The following DOCK11 variants were observed in gnomAD, a reference collection of about 807,000 sequenced individuals.
The protein encoded by DOCK11 is dedicator of cytokinesis 11.
In DOCK11, 70 loss-of-function variants were observed where a neutral mutation model predicts 169.1. The observed-to-expected ratio is 0.41, with a 90% CI of 0.34 to 0.51. The LOEUF (loss-of-function observed/expected upper bound fraction) is 0.51. Among genes scored for constraint, DOCK11 ranks in the 20% least tolerant of loss-of-function variants. The pLI is 0.10. For missense variants in DOCK11, 1,166 were observed against 1,538.8 expected (o/e 0.76, Z 4.05); for synonymous variants, 529 against 541.3 (o/e 0.98, Z 0.32).
intron 48 of DOCK11, among the ~76,000 whole-genome samples, chrX:118,680,172 C>T (rs1357278082): frequency 2.7e-5 from 3 of 109,597 alleles, no homozygotes; most frequent in Non-Finnish European, 3.8e-5. Flanking sequence ...AGTGATCCGC[C>T]CGCCTCGGCC....
intron 23 of DOCK11, among the ~76,000 whole-genome samples, chrX:118,603,266 G>A (rs1364096581): frequency 8.8e-6 from 1 of 113,030 alleles, no homozygotes; most frequent in Non-Finnish European, 1.9e-5. Context: ...CAAGTGACAG[G>A]TTTGGCGGGA....
chrX:118,647,759 A>C (rs189022026), intron 40 of DOCK11, among the ~76,000 whole-genome samples: 1 of 49,222 alleles, frequency 2.0e-5, no homozygotes, highest in Non-Finnish European at 3.2e-5. Flanking sequence ...AATAATATAT[A>C]ATATATTATA....
intron 32 of DOCK11, among the ~76,000 whole-genome samples, chrX:118,625,675 A>G (rs1333955565): frequency 8.9e-6 from 1 of 111,878 alleles, no homozygotes. Context: ...CTCTACTTCC[A>G]AGATATTAGG....
At chrX:118,516,493 G>T (rs1296728028) in intron 1 of DOCK11, among the ~76,000 whole-genome samples, 1 of 106,799 alleles carries the variant, frequency 9.4e-6, no homozygotes, top group Non-Finnish European at 1.9e-5. Context: ...CCAGGCTGGA[G>T]TGCAGCTGTG....
intron 30 of DOCK11, among the ~76,000 whole-genome samples, chrX:118,617,335 C>CA (rs1196770219): frequency 9.2e-5 from 10 of 109,011 alleles, no homozygotes; most frequent in Non-Finnish European, 1.3e-4. Flanking sequence ...ACTAAAAATA[C>CA]AAAAAAATTA....
chrX:118,647,139 ATGTGTGTG>A (rs200211345), intron 40 of DOCK11, among the ~76,000 whole-genome samples: 2,346 of 85,448 alleles, frequency 0.027, 57 homozygotes, highest in African/African-American at 0.054. Flanking sequence ...TGAAGAGGAT[ATGTGTGTG>A]TGTGTGTGTG....
chrX:118,508,825 C>T (rs1323425791), intron 1 of DOCK11, among the ~76,000 whole-genome samples: 1 of 112,186 alleles, frequency 8.9e-6, no homozygotes. Context: ...GCAGAATTCT[C>T]ATCAGGAGAG....
intron 1 of DOCK11, among the ~76,000 whole-genome samples, chrX:118,537,110 T>C (rs1410983475): frequency 4.5e-5 from 5 of 112,160 alleles, no homozygotes; most frequent in Non-Finnish European, 9.4e-5. Context: ...TCAGATGTCA[T>C]TGAGGCTGTA....
chrX:118,570,679 G>C (rs1803614459), intron 10 of DOCK11, among the ~76,000 whole-genome samples: 1 of 111,992 alleles, frequency 8.9e-6, no homozygotes, highest in Non-Finnish European at 1.9e-5. Context: ...AAAAAATTTT[G>C]TGTTTCTTGT....
At chrX:118,656,267 TAATAAATA>T (rs749224053) in intron 44 of DOCK11, among the ~76,000 whole-genome samples, 4 of 108,084 alleles carry the variant, frequency 3.7e-5, no homozygotes, top group African/African-American at 1.0e-4. Flanking sequence ...TCTCAAAAAA[TAATAAATA>T]AATAAATAAA....
At chrX:118,627,699 T>C (rs2015143735) in intron 33 of DOCK11, 120 bp downstream of exon 33, 17 of 516,114 alleles carry the variant, frequency 3.3e-5, no homozygotes. Flanking sequence ...TCTACTAAAG[T>C]TTAATTAAAA....
In DOCK11 at chrX:118,584,805, A is replaced by G. The variant is rs759695694; in HGVS notation, c.1666A>G (p.Ser556Gly). The change falls in exon 15 of 53, where the codon AGT becomes GGT. Residue 556 changes from serine to glycine, a missense_variant. Coordinates refer to ENST00000276202, the MANE Select transcript of DOCK11 (RefSeq NM_144658.4). The stretch of plus-strand genomic sequence containing the variant: ...ATTTTCTCCTCTGTATAAACAAGAC[A>G]GTAGCAAGCTTTCAAGTGAAGACAT... ...GRFSPLYKQD[S>G]SKLSSEDILK... The G allele has an allele frequency of 8.3e-7, 1 of 1,203,587 alleles. No homozygotes were observed. Among genetic ancestry groups the G allele is most frequent in the Admixed American group, 2.2e-5 (1 of 45,108 alleles).
In DOCK11 at chrX:118,563,291, A is replaced by G. The variant is rs764107463; in HGVS notation, c.693+1774A>G. Among the ~76,000 whole-genome samples, 5 of 111,207 alleles carry G rather than the reference A, an allele frequency of 4.5e-5. No homozygotes were observed. The East Asian group carries it at 8.4e-4, about 19-fold the overall frequency. ...GATTGTTGTGAGGATCAAATGAGAA[A>G]ATACCTTTAGGGCATGATGTTGTGT... On this transcript the variant is annotated intron_variant, in intron 7 of 52. Transcript: ENST00000276202.
At position 118,615,626 on chromosome X, in the gene DOCK11, T is replaced by C. The variant is rs1374487764; in HGVS notation, c.3207T>C (p.Phe1069=). 6 of 1,209,595 alleles carry C rather than the reference T, an allele frequency of 5.0e-6. No individual in the cohort carries two copies. The highest frequency in any genetic ancestry group is 6.7e-6 in the Non-Finnish European group (6 of 894,095). ...TTCTGGCTGAATACAAGTTTGAATT[T>C]CTGCAAACAATTTGCAATCACGAAC... is the stretch of plus-strand genomic sequence containing the variant. The part of the protein sequence containing the change: ...PKVLAEYKFE[F]LQTICNHEHY... Residue 1069 remains phenylalanine (F), a synonymous_variant, in exon 30 of 53, where the codon TTT becomes TTC. Coordinates refer to ENST00000276202, the MANE Select transcript of DOCK11 (RefSeq NM_144658.4).
chrX:118,592,126 A>G (rs2014021121), intron 19 of DOCK11, among the ~76,000 whole-genome samples: 1 of 109,848 alleles, frequency 9.1e-6, no homozygotes, highest in African/African-American at 3.3e-5. Flanking sequence ...AGCATGTTTT[A>G]TAGTCCTTTG....
At chrX:118,600,314 G>A (rs1316844190) in intron 23 of DOCK11, among the ~76,000 whole-genome samples, 3 of 109,962 alleles carry the variant, frequency 2.7e-5, no homozygotes, top group East Asian at 5.7e-4. Context: ...GGCTGAGGCA[G>A]GAGAATCGCT....
chrX:118,676,475 A>C, intron 47 of DOCK11, 116 bp from the exon 48 acceptor site: 1 of 394,287 alleles, frequency 2.5e-6, no homozygotes, highest in Non-Finnish European at 4.1e-6. Flanking sequence ...GACTTTTAGT[A>C]ATATTATTCA....
intron 4 of DOCK11, 109 bp from the exon 5 acceptor site, chrX:118,545,214 C>A: frequency 2.1e-6 from 1 of 470,623 alleles, no homozygotes; most frequent in Non-Finnish European, 3.4e-6. Flanking sequence ...AGAAAGAAAT[C>A]TGCTCATCTT....
chrX:118,566,427 A>G (rs1313676389), intron 8 of DOCK11, 147 bp from the exon 9 acceptor site: 4 of 622,265 alleles, frequency 6.4e-6, no homozygotes, highest in Non-Finnish European at 9.6e-6. Flanking sequence ...AAAGTCCATT[A>G]AAGTTTTCCC....
Sources: allele counts gnomAD v4.1 joint callset (sites outside exome capture counted in the v4.1 genomes callset), GRCh38; gene constraint gnomAD v4.1.1; transcripts MANE v1.5; gene names NCBI Gene and HGNC (gene_info 2026-07-23, HGNC 2026-07-21).